RANBP17: variants seen among roughly 807,000 people sequenced by gnomAD.
RANBP17 encodes ran-binding protein 17.
RANBP17 carries 158 observed loss-of-function variants against 141.2 expected under a neutral mutation model. That is an observed-to-expected ratio of 1.12 (90% CI 0.98 to 1.28). The LOEUF is 1.28. Ranked by LOEUF, RANBP17 falls within the 50% of genes most tolerant of loss-of-function variation. The probability of loss-of-function intolerance (pLI) is 0.00; values close to 1 mark genes in which losing one functional copy is unlikely to be tolerated. For synonymous variants in RANBP17, 430 were observed against 450.0 expected (o/e 0.96, Z 0.56); for missense variants, 1,438 against 1,290.7 (o/e 1.11, Z -1.75).
At chr5:170,906,306 C>T (rs1264738201) in intron 5 of RANBP17, among the ~76,000 whole-genome samples, 1 of 152,010 alleles carries the variant, frequency 6.6e-6, no homozygotes, top group Non-Finnish European at 1.5e-5. Context: ...ATCTTTTTCA[C>T]TTTCATGGCC....
rs114122822 is a variant in RANBP17 at position 171,274,313 on chromosome 5, G to A, written c.2943+8466G>A. On this transcript the variant is annotated intron_variant, in intron 25 of 27. Transcript: ENST00000523189. ...TTGTGACCATTGCCTCAAGAGATCC[G>A]TTTAGAAAGTTAATGCTTATAATTT... Among the ~76,000 whole-genome samples, 553 of 152,152 alleles carry A rather than the reference G, an allele frequency of 3.6e-3. 6 individuals carry two copies. Among genetic ancestry groups the A allele is most frequent in the African/African-American group, 0.013 (528 of 41,516 alleles).
At chr5:171,059,221 G>C (rs1783631564) in intron 14 of RANBP17, among the ~76,000 whole-genome samples, 2 of 152,006 alleles carry the variant, frequency 1.3e-5, no homozygotes, top group Admixed American at 6.6e-5. Context: ...TGGTGTTTTA[G>C]ACATGAAGTC....
chr5:171,074,858 T>G (rs1784822897), intron 14 of RANBP17, among the ~76,000 whole-genome samples: 1 of 152,188 alleles, frequency 6.6e-6, no homozygotes, highest in East Asian at 1.9e-4. Context: ...TTTTGAGACT[T>G]TGTGTTCTAA....
chr5:170,882,146 C>T (rs374262638), intron 3 of RANBP17, among the ~76,000 whole-genome samples: 23 of 152,140 alleles, frequency 1.5e-4, no homozygotes, highest in African/African-American at 4.8e-4. Flanking sequence ...TGCAGTGGCG[C>T]GATCTCAGCT....
chr5:170,968,487 T>C (rs770240272), intron 14 of RANBP17, 110 bp downstream of exon 14: 7 of 979,172 alleles, frequency 7.1e-6, no homozygotes, highest in Non-Finnish European at 1.1e-5. Flanking sequence ...TGTAATTGAT[T>C]AATGAATTGA....
At position 171,235,692 on chromosome 5, in the gene RANBP17, C is replaced by G. The variant is rs187780801; in HGVS notation, c.2423-5236C>G. 3.5e-3 allele frequency among the ~76,000 whole-genome samples: 534 copies of G among 152,206 alleles called. 1 individual carries two copies. Among genetic ancestry groups the G allele is most frequent in the Non-Finnish European group, 5.7e-3 (389 of 68,012 alleles). On this transcript the variant is annotated intron_variant, in intron 22 of 27. Transcript: ENST00000523189. ...TCATGGCTCACTGCAGCTTCAGCCT[C>G]CTGGGCTCAAGTGATCCTCCCACCT...
At chr5:170,963,485 T>C (rs1437238019) in intron 13 of RANBP17, among the ~76,000 whole-genome samples, 3 of 152,194 alleles carry the variant, frequency 2.0e-5, no homozygotes, top group Non-Finnish European at 2.9e-5. Context: ...GCATTAAACA[T>C]TATAAAGCAG....
chr5:171,095,152 A>G (rs1187089814), intron 14 of RANBP17, among the ~76,000 whole-genome samples: 1 of 152,240 alleles, frequency 6.6e-6, no homozygotes, highest in African/African-American at 2.4e-5. Context: ...ATATTCTGTT[A>G]TAGCAACAGA....
At chr5:171,160,955 G>A (rs753836068) in intron 14 of RANBP17, among the ~76,000 whole-genome samples, 1 of 152,092 alleles carries the variant, frequency 6.6e-6, no homozygotes, top group Non-Finnish European at 1.5e-5. Flanking sequence ...ACCACGCCCT[G>A]CTAATTTTTT....
intron 14 of RANBP17, among the ~76,000 whole-genome samples, chr5:171,152,319 C>T (rs1758544583): frequency 6.6e-6 from 1 of 150,812 alleles, no homozygotes; most frequent in Non-Finnish European, 1.5e-5. Context: ...ACTCGGGAGG[C>T]TGAGGTAGAG....
chr5:171,031,104 A>G (rs1781522730), intron 14 of RANBP17, among the ~76,000 whole-genome samples: 2 of 152,060 alleles, frequency 1.3e-5, no homozygotes, highest in African/African-American at 4.8e-5. Flanking sequence ...TTAAAAGATC[A>G]GTTTTTAGTC....
Position 171,239,716 on chromosome 5 carries a change from G to A in RANBP17, c.2423-1212G>A, listed in dbSNP as rs1204644621. Reference sequence around the variant, plus strand: ...TGGTGTTATGGTATAGAAGTCAGTAGAAGGCTGTTGCGTCTGCATAGCTAT... The same window carrying A: ...TGGTGTTATGGTATAGAAGTCAGTAAAAGGCTGTTGCGTCTGCATAGCTAT... On this transcript the variant is annotated intron_variant, in intron 22 of 27. Coordinates refer to ENST00000523189, the MANE Select transcript of RANBP17 (RefSeq NM_022897.5). 3.3e-5 allele frequency among the ~76,000 whole-genome samples: 5 copies of A among 152,332 alleles called. No homozygotes were observed. The East Asian group carries it at 7.7e-4, about 24-fold the overall frequency.
intron 24 of RANBP17, among the ~76,000 whole-genome samples, chr5:171,248,874 G>A (rs1257901376): frequency 1.3e-5 from 2 of 152,102 alleles, no homozygotes; most frequent in Non-Finnish European, 1.5e-5. Context: ...CCCATGCCAC[G>A]TGGGCCACCC....
At chr5:171,031,069 T>C (rs1487465064) in intron 14 of RANBP17, among the ~76,000 whole-genome samples, 1 of 152,052 alleles carries the variant, frequency 6.6e-6, no homozygotes, top group Non-Finnish European at 1.5e-5. Context: ...TGTTTCAATA[T>C]ATGAATGAAC....
At chr5:171,286,341 G>A (rs916162563) in intron 25 of RANBP17, among the ~76,000 whole-genome samples, 3 of 152,208 alleles carry the variant, frequency 2.0e-5, no homozygotes, top group African/African-American at 7.2e-5. Context: ...TTCCAGGGGA[G>A]AGCAGGTCAT....
chr5:171,234,426 G>T (rs1764406781), intron 22 of RANBP17, among the ~76,000 whole-genome samples: 1 of 152,108 alleles, frequency 6.6e-6, no homozygotes, highest in South Asian at 2.1e-4. Context: ...TTGAGCACAG[G>T]AATGACATGA....
intron 5 of RANBP17, among the ~76,000 whole-genome samples, chr5:170,900,126 G>T (rs1460948155): frequency 1.3e-5 from 2 of 152,174 alleles, no homozygotes; most frequent in African/African-American, 4.8e-5. Flanking sequence ...GTAGAATTCA[G>T]TCGTGAATCC....
intron 14 of RANBP17, among the ~76,000 whole-genome samples, chr5:171,037,384 A>G (rs899797048): frequency 1.3e-5 from 2 of 152,016 alleles, no homozygotes; most frequent in Non-Finnish European, 2.9e-5. Flanking sequence ...CTCATTCTGT[A>G]GATTGTCTAT....
chr5:171,072,354 A>G (rs1360927556), intron 14 of RANBP17, among the ~76,000 whole-genome samples: 4 of 152,126 alleles, frequency 2.6e-5, no homozygotes, highest in Non-Finnish European at 5.9e-5. Flanking sequence ...CAGAACTGTA[A>G]GATAGTAAAT....
Sources: gnomAD v4.1 joint callset for allele counts (sites outside exome capture counted in the v4.1 genomes callset) on GRCh38, gnomAD v4.1.1 for gene constraint, MANE v1.5 for transcripts, NCBI Gene and HGNC (gene_info 2026-07-23, HGNC 2026-07-21) for gene names.